Variants in EYS observed in about 807,000 individuals in gnomAD.
EYS encodes the protein EGF-like photoreceptor maintenance factor.
EYS carries 250 observed loss-of-function variants against 282.1 expected under a neutral mutation model. That is an observed-to-expected ratio of 0.89 (90% CI 0.80 to 0.98). The LOEUF (loss-of-function observed/expected upper bound fraction) is 0.98, where lower values mean the gene tolerates loss of function less well. Ranked by LOEUF, EYS falls within the 50% of genes least tolerant of loss-of-function variation. The pLI is 0.00. For missense variants in EYS, 4,016 were observed against 3,709.0 expected, an observed-to-expected ratio of 1.08 and a Z score of -2.15; for synonymous variants, 1,355 against 1,282.9, an observed-to-expected ratio of 1.06 and a Z score of -1.20.
intron 36 of EYS, among the ~76,000 whole-genome samples, chr6:63,843,795 A>G (rs1386525862): frequency 6.6e-6 from 1 of 152,228 alleles, no homozygotes. Flanking sequence ...ATAGGAAGAC[A>G]GGAAGTCAAA....
intron 29 of EYS, among the ~76,000 whole-genome samples, chr6:64,361,593 C>A (rs1772007512): frequency 6.6e-6 from 1 of 151,718 alleles, no homozygotes; most frequent in Non-Finnish European, 1.5e-5. Context: ...AAGCAACTAT[C>A]TTTCAAAACA....
chr6:65,361,315 T>C (rs997882473), intron 8 of EYS, among the ~76,000 whole-genome samples: 1 of 151,838 alleles, frequency 6.6e-6, no homozygotes, highest in African/African-American at 2.4e-5. Flanking sequence ...TATACATATG[T>C]AACTAACCTG....
chr6:65,548,630 C>T (rs1768480298), intron 2 of EYS, among the ~76,000 whole-genome samples: 2 of 152,196 alleles, frequency 1.3e-5, no homozygotes, highest in Non-Finnish European at 2.9e-5. Flanking sequence ...CTTATCTCCA[C>T]CTCTTCTCTA....
At chr6:64,520,463 ACTT>A in intron 26 of EYS, among the ~76,000 whole-genome samples, 1 of 151,762 alleles carries the variant, frequency 6.6e-6, no homozygotes, top group African/African-American at 2.4e-5. Context: ...CCCATTATAG[ACTT>A]CTTCTCTGTA....
chr6:64,844,460 TC>T (rs1765661776), intron 19 of EYS, among the ~76,000 whole-genome samples: 1 of 151,960 alleles, frequency 6.6e-6, no homozygotes, highest in Non-Finnish European at 1.5e-5. Context: ...AGATATTGCT[TC>T]CAGAAACATT....
intron 33 of EYS, among the ~76,000 whole-genome samples, chr6:64,039,057 G>T (rs1370636762): frequency 1.3e-5 from 2 of 152,070 alleles, no homozygotes; most frequent in Admixed American, 1.3e-4. Flanking sequence ...TGCCCGCCTT[G>T]GGCTCTCAAA....
intron 31 of EYS, among the ~76,000 whole-genome samples, chr6:64,196,770 G>C (rs921471818): frequency 2.0e-5 from 3 of 150,714 alleles, no homozygotes; most frequent in Non-Finnish European, 4.4e-5. Context: ...GGGAGGGATA[G>C]CATTAGGAGA....
chr6:64,602,391 A>C (rs980886655), intron 24 of EYS, among the ~76,000 whole-genome samples: 2 of 152,082 alleles, frequency 1.3e-5, no homozygotes, highest in African/African-American at 4.8e-5. Context: ...TTTATATTAC[A>C]AGAAAAACAA....
At chr6:65,546,900 A>T (rs1017438695) in intron 2 of EYS, among the ~76,000 whole-genome samples, 1 of 152,138 alleles carries the variant, frequency 6.6e-6, no homozygotes, top group Non-Finnish European at 1.5e-5. Flanking sequence ...AAGAAAAAGT[A>T]TCTTCATGGC....
chr6:65,137,506 G>A (rs1776054535), intron 12 of EYS, among the ~76,000 whole-genome samples: 5 of 152,094 alleles, frequency 3.3e-5, no homozygotes, highest in Admixed American at 1.3e-4. Context: ...ATGGAATGGA[G>A]AATCAGGGAG....
intron 2 of EYS, among the ~76,000 whole-genome samples, chr6:65,561,914 C>A (rs1769074388): frequency 1.3e-5 from 2 of 151,260 alleles, no homozygotes; most frequent in Non-Finnish European, 3.0e-5. Flanking sequence ...AAGTAATTTT[C>A]TAAATTAAAT....
chr6:65,582,011 A>G (rs1445882814), intron 2 of EYS, among the ~76,000 whole-genome samples: 1 of 151,636 alleles, frequency 6.6e-6, no homozygotes, highest in East Asian at 1.9e-4. Flanking sequence ...AGCATGGTGA[A>G]AACCTGTTTC....
chr6:65,219,349 G>A lies in EYS; in HGVS notation c.2023+76514C>T, dbSNP rs557061188. Reference sequence around the variant, plus strand: ...AGTAGAGGAAAAATAGAGAAAATTGGTGATTGGTAAAACCATACAGAATAG... The same window carrying A: ...AGTAGAGGAAAAATAGAGAAAATTGATGATTGGTAAAACCATACAGAATAG... On this transcript the variant is annotated intron_variant, in intron 12 of 42. Coordinates refer to ENST00000503581, the MANE Select transcript of EYS (RefSeq NM_001142800.2). Among the ~76,000 whole-genome samples, 8 of 152,186 alleles carry A rather than the reference G, an allele frequency of 5.3e-5. No homozygotes were observed. In the South Asian group the frequency reaches 6.2e-4, roughly 12 times the overall value.
chr6:65,392,679 ATGGAGAGGATGTGGAGAAATAG>A (rs1766094137), intron 7 of EYS, among the ~76,000 whole-genome samples: 1 of 151,948 alleles, frequency 6.6e-6, no homozygotes, highest in African/African-American at 2.4e-5. Context: ...ACAACAGGTA[ATGGAGAGGATGTGGAGAAATAG>A]GAACACTTTT....
chr6:63,764,029 C>A (rs1348600486), intron 40 of EYS, among the ~76,000 whole-genome samples: 1 of 151,366 alleles, frequency 6.6e-6, no homozygotes, highest in Admixed American at 6.6e-5. Flanking sequence ...TCCCCACCAT[C>A]CCCCTTTCTT....
chr6:65,143,079 T>C (rs887955644), intron 12 of EYS, among the ~76,000 whole-genome samples: 2 of 152,052 alleles, frequency 1.3e-5, no homozygotes, highest in African/African-American at 4.8e-5. Flanking sequence ...AAGACTCATA[T>C]ATAAATGCTC....
intron 15 of EYS, among the ~76,000 whole-genome samples, chr6:64,916,255 G>C (rs929563866): frequency 6.6e-5 from 10 of 152,234 alleles, no homozygotes; most frequent in South Asian, 6.2e-4. Flanking sequence ...AGTTTCCTAA[G>C]AAAAACCGAC....
At chr6:63,933,747 C>T (rs895108372) in intron 35 of EYS, among the ~76,000 whole-genome samples, 1 of 152,130 alleles carries the variant, frequency 6.6e-6, no homozygotes, top group African/African-American at 2.4e-5. Context: ...GCTCCAGTGA[C>T]AGAGCTGTGT....
At chr6:64,174,634 G>A (rs751577207) in intron 31 of EYS, among the ~76,000 whole-genome samples, 1 of 151,660 alleles carries the variant, frequency 6.6e-6, no homozygotes, top group Non-Finnish European at 1.5e-5. Flanking sequence ...TTAGGGTAAT[G>A]TATACAACAT....
Sources: gnomAD v4.1 joint callset for allele counts (sites outside exome capture counted in the v4.1 genomes callset) on GRCh38, gnomAD v4.1.1 for gene constraint, MANE v1.5 for transcripts, NCBI Gene and HGNC (gene_info 2026-07-23, HGNC 2026-07-21) for gene names.